Variants in SLC25A51 observed in about 807,000 individuals in gnomAD.
The protein encoded by SLC25A51 is solute carrier family 25 member 51.
Under a neutral mutation model 19.1 loss-of-function variants are expected in SLC25A51, and 11 were observed. That is an observed-to-expected ratio of 0.58 (90% CI 0.36 to 0.96). The LOEUF (loss-of-function observed/expected upper bound fraction) is 0.96. Ranked by LOEUF, SLC25A51 falls within the 40% of genes least tolerant of loss-of-function variation. SLC25A51 has a pLI of 0.01. For synonymous variants in SLC25A51, 105 were observed against 133.6 expected, an observed-to-expected ratio of 0.79 and a Z score of 1.47; for missense variants, 201 against 365.4, an observed-to-expected ratio of 0.55 and a Z score of 3.67.
chr9:37,892,246 C>G (rs570069277), intron 2 of SLC25A51, among the ~76,000 whole-genome samples: 1 of 152,354 alleles, frequency 6.6e-6, no homozygotes, highest in Admixed American at 6.5e-5. Context: ...AATCAGCTGT[C>G]TGGAGAGAAT....
downstream of SLC25A51, among the ~76,000 whole-genome samples, chr9:37,883,932 C>A (rs150712825): frequency 5.9e-5 from 9 of 152,302 alleles, no homozygotes; most frequent in South Asian, 1.4e-3. Context: ...TCCTTTACAG[C>A]TGGAAGAAGG....
intron 2 of SLC25A51, among the ~76,000 whole-genome samples, chr9:37,889,855 A>G (rs1278208558): frequency 6.6e-6 from 1 of 151,650 alleles, no homozygotes; most frequent in African/African-American, 2.4e-5. Context: ...TTCTCCCTGA[A>G]AAAATCCAGA....
At chr9:37,881,570 G>A (rs1282098490) in exon 3 of SLC25A51, 1 of 152,174 alleles carries the variant, frequency 6.6e-6, no homozygotes, top group Admixed American at 6.5e-5. Flanking sequence ...TTGAGCCCAG[G>A]AAGTCAAGGC....
At chr9:37,886,834 T>G (rs1308088469), downstream of SLC25A51, among the ~76,000 whole-genome samples, 1 of 152,194 alleles carries the variant, frequency 6.6e-6, no homozygotes, top group East Asian at 1.9e-4. Context: ...TCTTGCTTCC[T>G]TAAGCCCTTC....
intron 2 of SLC25A51, among the ~76,000 whole-genome samples, chr9:37,896,445 T>C (rs1587168382): frequency 6.6e-6 from 1 of 152,220 alleles, no homozygotes; most frequent in African/African-American, 2.4e-5. Flanking sequence ...TTCCCCAAAA[T>C]CCTGTTGGTG....
chr9:37,883,015 T>C (rs1831379010), downstream of SLC25A51, among the ~76,000 whole-genome samples: 2 of 152,228 alleles, frequency 1.3e-5, no homozygotes, highest in African/African-American at 4.8e-5. Flanking sequence ...GGCTAGTTTT[T>C]TGTATTTTTA....
Position 37,888,292 on chromosome 9 carries a change from G to C in SLC25A51, c.259C>G (p.Pro87Ala). ...FRNLYRGILPPLMQKTTTLAL... is the reference protein window; with the variant it reads ...FRNLYRGILPALMQKTTTLAL... ...AGCGTAGTTGTCTTCTGCATCAATG[G>C]GGGAAGGATTCCACGATACAAATTT... The change falls in exon 3 of 3, where the codon CCA (proline) becomes GCA (alanine). Residue 87 changes from proline to alanine, a missense_variant. Physicochemically the swap from Pro to Ala is conservative, Grantham distance 27. Transcript: ENST00000242275. 6.2e-7 allele frequency: 1 copy of C among 1,614,202 alleles called. No individual in the cohort carries two copies. The highest frequency in any genetic ancestry group is 1.1e-5 in the South Asian group (1 of 91,084).
At chr9:37,892,219 T>A (rs1347838398) in intron 2 of SLC25A51, among the ~76,000 whole-genome samples, 1 of 152,196 alleles carries the variant, frequency 6.6e-6, no homozygotes, top group African/African-American at 2.4e-5. Context: ...CAAGGCCCCA[T>A]ACAGCAGGAG....
intron 1 of SLC25A51, chr9:37,903,832 GA>G (rs1227921177): frequency 1.3e-5 from 2 of 152,378 alleles, no homozygotes; most frequent in African/African-American, 4.8e-5. Context: ...CCAGCAGCCG[GA>G]CAAACACCCG....
intron 2 of SLC25A51, among the ~76,000 whole-genome samples, chr9:37,893,688 C>T (rs1421230554): frequency 6.6e-6 from 1 of 152,200 alleles, no homozygotes; most frequent in Non-Finnish European, 1.5e-5. Flanking sequence ...ATTATGAAGT[C>T]ACCTGTATGC....
At chr9:37,884,558 G>A (rs1300533190), downstream of SLC25A51, among the ~76,000 whole-genome samples, 1 of 152,124 alleles carries the variant, frequency 6.6e-6, no homozygotes, top group Non-Finnish European at 1.5e-5. Context: ...AGAAACTAGG[G>A]GGAAAAAAGT....
At chr9:37,886,103 G>A (rs961585858), downstream of SLC25A51, 3 of 1,485,318 alleles carry the variant, frequency 2.0e-6, no homozygotes, top group Non-Finnish European at 2.8e-6. Context: ...CTATACTGAT[G>A]TTAGTACGCG....
At chr9:37,903,680 C>G (rs557093347) in intron 1 of SLC25A51, 1 of 152,396 alleles carries the variant, frequency 6.6e-6, no homozygotes, top group Non-Finnish European at 1.5e-5. Flanking sequence ...GAGGCCCTTG[C>G]GCGGTGCCAT....
downstream of SLC25A51, among the ~76,000 whole-genome samples, chr9:37,877,751 T>G (rs1001573003): frequency 3.3e-5 from 5 of 152,128 alleles, no homozygotes; most frequent in African/African-American, 1.2e-4. Flanking sequence ...CTCATGCCTG[T>G]AATCCCAGCA....
At chr9:37,889,053 G>C (rs146364421) in intron 2 of SLC25A51, among the ~76,000 whole-genome samples, 23 of 152,106 alleles carry the variant, frequency 1.5e-4, no homozygotes, top group African/African-American at 5.1e-4. Context: ...AATTCCTAAA[G>C]ACCCTGAATA....
chr9:37,899,011 C>T (rs948770014), intron 2 of SLC25A51, among the ~76,000 whole-genome samples: 5 of 152,200 alleles, frequency 3.3e-5, no homozygotes, highest in African/African-American at 1.2e-4. Flanking sequence ...ATCCTAGCTC[C>T]ACCACACATG....
At chr9:37,886,755 G>C (rs976856026), downstream of SLC25A51, among the ~76,000 whole-genome samples, 1 of 152,214 alleles carries the variant, frequency 6.6e-6, no homozygotes, top group African/African-American at 2.4e-5. Flanking sequence ...GCACAGCCTG[G>C]TTAGACCTAG....
At chr9:37,893,569 G>A (rs1382975058) in intron 2 of SLC25A51, among the ~76,000 whole-genome samples, 4 of 152,080 alleles carry the variant, frequency 2.6e-5, no homozygotes, top group African/African-American at 9.7e-5. Flanking sequence ...CCACCTCTAA[G>A]GTCCAAAATA....
At chr9:37,896,562 G>A (rs954240596) in intron 2 of SLC25A51, among the ~76,000 whole-genome samples, 1 of 152,218 alleles carries the variant, frequency 6.6e-6, no homozygotes, top group Non-Finnish European at 1.5e-5. Flanking sequence ...TTGGGAGGCC[G>A]AGGTGGGTGG....
Sources: allele counts gnomAD v4.1 joint callset (sites outside exome capture counted in the v4.1 genomes callset), GRCh38; gene constraint gnomAD v4.1.1; transcripts MANE v1.5; gene names NCBI Gene and HGNC (gene_info 2026-07-23, HGNC 2026-07-21).